Variants in RPS6KC1 observed in about 807,000 individuals in gnomAD.
The protein encoded by RPS6KC1 is ribosomal protein S6 kinase C1.
Under a neutral mutation model 103.8 loss-of-function variants are expected in RPS6KC1, and 54 were observed. The observed-to-expected ratio is 0.52, with a 90% CI of 0.42 to 0.65. The LOEUF is 0.65. Ranked by LOEUF, RPS6KC1 falls within the 30% of genes least tolerant of loss-of-function variation. The pLI is 0.00. For synonymous variants in RPS6KC1, 439 were observed against 438.7 expected (o/e 1.00, Z -0.01); for missense variants, 1,151 against 1,253.8 (o/e 0.92, Z 1.24).
At chr1:213,223,422 C>G (rs1043077442) in intron 8 of RPS6KC1, among the ~76,000 whole-genome samples, 1 of 152,158 alleles carries the variant, frequency 6.6e-6, no homozygotes, top group African/African-American at 2.4e-5. Flanking sequence ...CCTTTGCATC[C>G]TCATAGCTTA....
chr1:213,285,878 G>T, the RPS6KC1 span, among the ~76,000 whole-genome samples: 1 of 152,322 alleles, frequency 6.6e-6, no homozygotes, highest in East Asian at 1.9e-4. Flanking sequence ...TGCAGCAAGA[G>T]AGCACCGTCT....
At chr1:213,693,235 C>G in the RPS6KC1 span, among the ~76,000 whole-genome samples, 1 of 152,178 alleles carries the variant, frequency 6.6e-6, no homozygotes, top group Non-Finnish European at 1.5e-5. Flanking sequence ...CCCTCCTTCT[C>G]TCCTCTTGAA....
chr1:213,263,846 G>A lies in RPS6KC1; in HGVS notation c.3090+1030G>A, dbSNP rs967792486. Among the ~76,000 whole-genome samples, 4 of 152,076 alleles carry A rather than the reference G, an allele frequency of 2.6e-5. No individual in the cohort carries two copies. In the East Asian group the frequency reaches 7.7e-4, roughly 29 times the overall value. On this transcript the variant is annotated intron_variant, in intron 14 of 14. Transcript: ENST00000366960. ...CTGTGGCAAGTCAAAAGAAGGGGGC[G>A]GATATAATCCGTGGAGTGGTAGTAT...
At chr1:213,233,279 A>C (rs2094146320) in intron 10 of RPS6KC1, among the ~76,000 whole-genome samples, 1 of 152,152 alleles carries the variant, frequency 6.6e-6, no homozygotes, top group Non-Finnish European at 1.5e-5. Flanking sequence ...AGGTATTAAG[A>C]GAGTTAATTG....
the RPS6KC1 span, among the ~76,000 whole-genome samples, chr1:213,597,483 G>A: frequency 6.6e-6 from 1 of 152,338 alleles, no homozygotes; most frequent in East Asian, 1.9e-4. Flanking sequence ...AGCCAGGCAA[G>A]AGGACCTGGG....
At chr1:213,380,658 C>A in the RPS6KC1 span, among the ~76,000 whole-genome samples, 255 of 152,200 alleles carry the variant, frequency 1.7e-3, 2 homozygotes, top group African/African-American at 5.8e-3. Context: ...ACATTGTATA[C>A]CTTGAAAATA....
intron 3 of RPS6KC1, among the ~76,000 whole-genome samples, chr1:213,080,958 C>G (rs779162528): frequency 6.6e-6 from 1 of 152,242 alleles, no homozygotes; most frequent in Non-Finnish European, 1.5e-5. Flanking sequence ...TCAATTGTTA[C>G]AATTACTGTG....
chr1:213,265,962 C>T (rs1413554315), intron 14 of RPS6KC1, among the ~76,000 whole-genome samples: 1 of 152,196 alleles, frequency 6.6e-6, no homozygotes, highest in African/African-American at 2.4e-5. Context: ...CCCTGAGCTT[C>T]TGTTTTCTCA....
At chr1:213,564,360 A>G in the RPS6KC1 span, among the ~76,000 whole-genome samples, 5 of 152,158 alleles carry the variant, frequency 3.3e-5, no homozygotes, top group Non-Finnish European at 7.3e-5. Flanking sequence ...TGTAGATTAC[A>G]TTTCTCCCTT....
At chr1:213,625,272 G>A in the RPS6KC1 span, among the ~76,000 whole-genome samples, 5 of 152,178 alleles carry the variant, frequency 3.3e-5, no homozygotes, top group Non-Finnish European at 7.3e-5. Flanking sequence ...CTCACAGAAA[G>A]TCCTGTTCCT....
At chr1:213,198,336 G>A (rs984382410) in intron 8 of RPS6KC1, among the ~76,000 whole-genome samples, 1 of 152,004 alleles carries the variant, frequency 6.6e-6, no homozygotes, top group African/African-American at 2.4e-5. Flanking sequence ...ATCTAAATAG[G>A]TTTTCTTTTA....
chr1:213,418,819 T>C, the RPS6KC1 span, among the ~76,000 whole-genome samples: 74 of 152,310 alleles, frequency 4.9e-4, no homozygotes, highest in Non-Finnish European at 1.0e-3. Context: ...GTGAGCGTTT[T>C]CTAGCCCTCT....
chr1:213,290,144 CA>C, the RPS6KC1 span, among the ~76,000 whole-genome samples: 714 of 70,068 alleles, frequency 0.01, 1 homozygote, highest in Non-Finnish European at 0.014. Context: ...GACTCCGTCT[CA>C]AAAAAAAAAA....
At chr1:213,391,869 G>C in the RPS6KC1 span, among the ~76,000 whole-genome samples, 1 of 152,092 alleles carries the variant, frequency 6.6e-6, no homozygotes, top group Non-Finnish European at 1.5e-5. Flanking sequence ...CCAAATATGT[G>C]TTAATTGTCC....
the RPS6KC1 span, among the ~76,000 whole-genome samples, chr1:213,554,653 G>A: frequency 1.3e-5 from 2 of 152,152 alleles, no homozygotes; most frequent in East Asian, 1.9e-4. Context: ...TGCACTTTTT[G>A]TACCTACTTC....
intron 12 of RPS6KC1, among the ~76,000 whole-genome samples, chr1:213,251,784 A>G (rs1338414805): frequency 2.6e-5 from 4 of 152,198 alleles, no homozygotes; most frequent in Non-Finnish European, 4.4e-5. Context: ...TACAAGATTG[A>G]TATATTTATT....
chr1:213,846,653 G>C, the RPS6KC1 span, among the ~76,000 whole-genome samples: 9 of 152,090 alleles, frequency 5.9e-5, no homozygotes, highest in Admixed American at 2.0e-4. Context: ...GTGCACAATT[G>C]ATTGCACAGA....
chr1:213,419,402 A>G, the RPS6KC1 span, among the ~76,000 whole-genome samples: 8 of 152,318 alleles, frequency 5.3e-5, no homozygotes, highest in Non-Finnish European at 8.8e-5. Flanking sequence ...AGCACTTACT[A>G]TGTGCTGGGT....
the RPS6KC1 span, among the ~76,000 whole-genome samples, chr1:213,386,835 T>A: frequency 6.6e-6 from 1 of 152,236 alleles, no homozygotes; most frequent in Non-Finnish European, 1.5e-5. Context: ...CCTCTGGCTC[T>A]TAATGACTGT....
Sources: gnomAD v4.1 joint callset for allele counts (sites outside exome capture counted in the v4.1 genomes callset) on GRCh38, gnomAD v4.1.1 for gene constraint, MANE v1.5 for transcripts, NCBI Gene and HGNC (gene_info 2026-07-23, HGNC 2026-07-21) for gene names.